The following KIF16B variants were observed in gnomAD, a reference collection of about 807,000 sequenced individuals.
KIF16B encodes kinesin-like protein KIF16B.
Under a neutral mutation model 156.3 loss-of-function variants are expected in KIF16B, and 98 were observed. That is an observed-to-expected ratio of 0.63 (90% CI 0.53 to 0.74). The LOEUF (loss-of-function observed/expected upper bound fraction) is 0.74. Among genes scored for constraint, KIF16B ranks in the 30% least tolerant of loss-of-function variants. The pLI is 0.00. For missense variants in KIF16B, 1,421 were observed against 1,606.5 expected, an observed-to-expected ratio of 0.88 and a Z score of 1.97; for synonymous variants, 564 against 583.7, an observed-to-expected ratio of 0.97 and a Z score of 0.49.
At chr20:16,311,043 T>G (rs2063612568) in intron 25 of KIF16B, among the ~76,000 whole-genome samples, 1 of 152,248 alleles carries the variant, frequency 6.6e-6, no homozygotes, top group African/African-American at 2.4e-5. Context: ...TGGCATTAAG[T>G]GCATGCCATG....
chr20:16,468,868 C>T (rs767828591), intron 12 of KIF16B, among the ~76,000 whole-genome samples: 10 of 152,180 alleles, frequency 6.6e-5, no homozygotes, highest in African/African-American at 9.7e-5. Flanking sequence ...TAGACTACTT[C>T]ATCCAACAAC....
intron 23 of KIF16B, among the ~76,000 whole-genome samples, chr20:16,338,029 G>C (rs1456138432): frequency 6.6e-6 from 1 of 152,188 alleles, no homozygotes; most frequent in African/African-American, 2.4e-5. Flanking sequence ...ACATTCCTCA[G>C]ACTGATGTTC....
intron 17 of KIF16B, among the ~76,000 whole-genome samples, chr20:16,400,409 T>C (rs2065619799): frequency 6.6e-6 from 1 of 152,164 alleles, no homozygotes; most frequent in African/African-American, 2.4e-5. Context: ...GCCCTGTTGG[T>C]GGGAATGCAA....
rs114534372 is a variant in KIF16B, at chr20:16,346,862, G to A, written c.3621+9468C>T. On this transcript the variant is annotated intron_variant, in intron 23 of 25. Coordinates refer to ENST00000354981, the MANE Select transcript of KIF16B (RefSeq NM_024704.5). ...ACTTTAACACGGTGGGAAATTGCGA[G>A]AATGACAGTCTAAGCAATTTTCCTT... 1.8e-3 allele frequency among the ~76,000 whole-genome samples: 278 copies of A among 152,246 alleles called. 3 individuals are homozygous for A. The highest frequency in any genetic ancestry group is 6.5e-3 in the African/African-American group (268 of 41,530).
chr20:16,552,381 T>C (rs940974890), intron 1 of KIF16B, among the ~76,000 whole-genome samples: 7 of 152,218 alleles, frequency 4.6e-5, no homozygotes, highest in African/African-American at 1.7e-4. Flanking sequence ...TCCCAGCATA[T>C]GCAATATTAA....
intron 24 of KIF16B, among the ~76,000 whole-genome samples, chr20:16,330,783 T>C (rs1264676994): frequency 6.6e-6 from 1 of 152,164 alleles, no homozygotes; most frequent in Non-Finnish European, 1.5e-5. Context: ...ATTCTCTGAG[T>C]GAGATGACTG....
rs531220672 is a variant in KIF16B, at chr20:16,500,593, C to T, written c.1177-2915G>A. ...ACAGTTTTGTTGTTTTTTTCAATTA[C>T]GAAAGTTGATATCATGTCTGATTTT... is the stretch of plus-strand genomic sequence containing the variant. On this transcript the variant is annotated intron_variant, in intron 10 of 25. Transcript: ENST00000354981. Among the ~76,000 whole-genome samples, 10 of 152,044 alleles carry T rather than the reference C, an allele frequency of 6.6e-5. No homozygotes were observed. In the East Asian group the frequency reaches 7.7e-4, roughly 12 times the overall value.
At chr20:16,351,583 C>G (rs1270331081) in intron 23 of KIF16B, among the ~76,000 whole-genome samples, 4 of 152,234 alleles carry the variant, frequency 2.6e-5, no homozygotes, top group Non-Finnish European at 5.9e-5. Flanking sequence ...AGGTGACACA[C>G]AGCAATTTTC....
intron 12 of KIF16B, among the ~76,000 whole-genome samples, chr20:16,433,262 A>C (rs1363878793): frequency 6.6e-6 from 1 of 152,134 alleles, no homozygotes; most frequent in Non-Finnish European, 1.5e-5. Flanking sequence ...GAATTATTAC[A>C]GGCCTCTAGG....
At chr20:16,497,306 A>G (rs1465171077) in intron 11 of KIF16B, among the ~76,000 whole-genome samples, 1 of 152,116 alleles carries the variant, frequency 6.6e-6, no homozygotes, top group Non-Finnish European at 1.5e-5. Flanking sequence ...TTGAACACAG[A>G]CTCCCTCAAA....
At chr20:16,499,285 T>A (rs955464550) in intron 10 of KIF16B, among the ~76,000 whole-genome samples, 1 of 152,202 alleles carries the variant, frequency 6.6e-6, no homozygotes, top group Admixed American at 6.5e-5. Context: ...CCCAGAGCTA[T>A]GGTTTCTCAG....
chr20:16,482,717 T>G (rs915285958), intron 12 of KIF16B, among the ~76,000 whole-genome samples: 5 of 152,172 alleles, frequency 3.3e-5, no homozygotes, highest in African/African-American at 1.2e-4. Flanking sequence ...GAGTCATAAA[T>G]ATTTTCTCTT....
chr20:16,377,433 A>G (rs1387527680), intron 19 of KIF16B, among the ~76,000 whole-genome samples: 2 of 151,972 alleles, frequency 1.3e-5, no homozygotes, highest in East Asian at 3.9e-4. Flanking sequence ...ATAAATAAAT[A>G]AATAGCCAGG....
chr20:16,405,040 T>C, intron 16 of KIF16B, 139 bp from the exon 17 acceptor site: 1 of 646,320 alleles, frequency 1.5e-6, no homozygotes, highest in Admixed American at 2.3e-5. Flanking sequence ...AACTGGTCTA[T>C]CTGAGGAAAG....
intron 3 of KIF16B, among the ~76,000 whole-genome samples, chr20:16,523,232 AG>A (rs1233829288): frequency 6.6e-6 from 1 of 152,220 alleles, no homozygotes; most frequent in East Asian, 1.9e-4. Context: ...ATAAGAAGAG[AG>A]AAAGTCAAAT....
At chr20:16,286,514 T>C (rs893637695) in intron 25 of KIF16B, among the ~76,000 whole-genome samples, 1 of 81,998 alleles carries the variant, frequency 1.2e-5, no homozygotes, top group African/African-American at 4.2e-5. Context: ...TCCTTTGAAC[T>C]ACAGCTGAGA....
At position 16,273,361 on chromosome 20, in the gene KIF16B, G is replaced by C. The variant is rs1438757395; in HGVS notation, c.3846C>G (p.Pro1282=). ...FSVMLQSATS[P]LHINKVGLTL... ...TCAGTCCCACTTTGTTGATGTGGAG[G>C]GGAGATGTTGCGGACTGGAGCATCA... The change falls in exon 26 of 26, where the codon CCC becomes CCG. Residue 1282 remains proline (P), a synonymous_variant. Coordinates refer to ENST00000354981, the MANE Select transcript of KIF16B (RefSeq NM_024704.5). 6.2e-7 allele frequency: 1 copy of C among 1,613,814 alleles called. No individual in the cohort carries two copies. The highest frequency in any genetic ancestry group is 8.5e-7 in the Non-Finnish European group (1 of 1,179,722).
rs192867504 is a variant in KIF16B, at chr20:16,371,664, C to T, written c.3447+1G>A. On this transcript the variant is annotated splice_donor_variant, in intron 21 of 25. Transcript: ENST00000354981. LOFTEE classifies it high-confidence loss of function. ...CGTGTTACTTGGCTCCTTCAGCTTA[C>T]CTTCATCGTGTCTGCAGATGTACTG... is the stretch of plus-strand genomic sequence containing the variant. The T allele has an allele frequency of 3.1e-5, 49 of 1,602,596 alleles. No homozygotes were observed. The East Asian group carries it at 1.0e-3, about 34-fold the overall frequency.
intron 1 of KIF16B, among the ~76,000 whole-genome samples, chr20:16,555,654 TAAG>T (rs1158412234): frequency 6.6e-6 from 1 of 152,216 alleles, no homozygotes; most frequent in Admixed American, 6.5e-5. Context: ...TTCAAGGGCT[TAAG>T]AAGATGGTAT....
Sources: allele counts gnomAD v4.1 joint callset (sites outside exome capture counted in the v4.1 genomes callset), GRCh38; gene constraint gnomAD v4.1.1; transcripts MANE v1.5; gene names NCBI Gene and HGNC (gene_info 2026-07-23, HGNC 2026-07-21).